CLNK: variants seen among roughly 807,000 people sequenced by gnomAD.
CLNK encodes cytokine dependent hematopoietic cell linker.
A neutral mutation model predicts 68.6 loss-of-function variants in CLNK; 74 were observed. The observed-to-expected ratio is 1.08, with a 90% CI of 0.89 to 1.31. The LOEUF (loss-of-function observed/expected upper bound fraction) is 1.31, where lower values mean the gene tolerates loss of function less well. Ranked by LOEUF, CLNK falls within the 50% of genes most tolerant of loss-of-function variation. CLNK has a pLI of 0.00. For missense variants in CLNK, 553 were observed against 515.3 expected, an observed-to-expected ratio of 1.07 and a Z score of -0.71; for synonymous variants, 198 against 172.2, an observed-to-expected ratio of 1.15 and a Z score of -1.17.
intron 2 of CLNK, among the ~76,000 whole-genome samples, chr4:10,635,093 T>C (rs1723030755): frequency 6.6e-6 from 1 of 152,250 alleles, no homozygotes; most frequent in African/African-American, 2.4e-5. Context: ...TTTTACTAAC[T>C]GGTCAAGTGC....
chr4:10,490,532 C>T lies in CLNK; in HGVS notation c.1222G>A (p.Val408Ile). Reference protein sequence around the residue: ...ILIDGKDKTGVHRKQCHLTQP... With the variant: ...ILIDGKDKTGIHRKQCHLTQP... The stretch of plus-strand genomic sequence containing the variant: ...GTGAGGTGACACTGTTTCCTGTGGA[C>T]CCCAGTTTTATCTTTCCCATCAATT... Residue 408 changes from valine to isoleucine, a missense_variant, in exon 19 of 19, where the codon GTC becomes ATC. By Grantham distance (29) the Val-to-Ile change is conservative (BLOSUM62 3). Transcript: ENST00000226951. 6.2e-7 allele frequency: 1 copy of T among 1,609,966 alleles called. No individual in the cohort carries two copies. The highest frequency in any genetic ancestry group is 1.1e-5 in the South Asian group (1 of 89,898).
intron 8 of CLNK, among the ~76,000 whole-genome samples, chr4:10,545,988 C>T (rs1719214748): frequency 6.6e-6 from 1 of 152,118 alleles, no homozygotes; most frequent in South Asian, 2.1e-4. Context: ...TAGACAGCGC[C>T]CCAGTCCTAT....
chr4:10,517,686 T>C (rs2109043539), intron 15 of CLNK, among the ~76,000 whole-genome samples: 1 of 152,324 alleles, frequency 6.6e-6, no homozygotes, highest in East Asian at 1.9e-4. Flanking sequence ...CATAATAATG[T>C]TCAGTGATTA....
chr4:10,521,308 C>T lies in CLNK; in HGVS notation c.732-477G>A, dbSNP rs116539767. On this transcript the variant is annotated intron_variant, in intron 14 of 18. Transcript: ENST00000226951. ...CTTAGTGGATTATGATAAGAAAAAC[C>T]CCAAAGAAAAAGAGATTATAAAACT... Among the ~76,000 whole-genome samples, 1,155 of 151,964 alleles carry T rather than the reference C, an allele frequency of 7.6e-3. 10 individuals are homozygous for T. The highest frequency in any genetic ancestry group is 0.037 in the Middle Eastern group (11 of 294).
chr4:10,650,612 A>G (rs1723689375), intron 2 of CLNK, among the ~76,000 whole-genome samples: 1 of 152,178 alleles, frequency 6.6e-6, no homozygotes, highest in Non-Finnish European at 1.5e-5. Flanking sequence ...ACAACTGTCA[A>G]TCTGAAATTA....
intron 2 of CLNK, among the ~76,000 whole-genome samples, chr4:10,650,522 C>T (rs1723684770): frequency 6.6e-6 from 1 of 151,882 alleles, no homozygotes; most frequent in Admixed American, 6.6e-5. Context: ...ATAAATATTG[C>T]CTTCAAAAGC....
chr4:10,558,694 C>T (rs1322749158), intron 7 of CLNK, among the ~76,000 whole-genome samples: 1 of 152,140 alleles, frequency 6.6e-6, no homozygotes, highest in Non-Finnish European at 1.5e-5. Context: ...ACCAATCCTG[C>T]CTCTATTGCT....
At chr4:10,493,144 C>T (rs1456029394) in intron 18 of CLNK, among the ~76,000 whole-genome samples, 2 of 152,108 alleles carry the variant, frequency 1.3e-5, no homozygotes, top group Non-Finnish European at 2.9e-5. Flanking sequence ...TAGTGAAATC[C>T]CCTCTCTACC....
intron 1 of CLNK, among the ~76,000 whole-genome samples, chr4:10,675,373 G>C (rs1724828738): frequency 6.6e-6 from 1 of 152,154 alleles, no homozygotes; most frequent in African/African-American, 2.4e-5. Context: ...AAATAGGCTG[G>C]ATTTTCACGT....
chr4:10,575,413 T>A (rs1325105002), intron 4 of CLNK, among the ~76,000 whole-genome samples: 2 of 152,198 alleles, frequency 1.3e-5, no homozygotes, highest in East Asian at 3.9e-4. Context: ...GTGTCTGAAA[T>A]GTCATCTCCC....
chr4:10,643,149 C>T (rs1200816527), intron 2 of CLNK, among the ~76,000 whole-genome samples: 1 of 152,176 alleles, frequency 6.6e-6, no homozygotes, highest in Non-Finnish European at 1.5e-5. Context: ...TAAATTATGT[C>T]ACCTGGAAAA....
chr4:10,494,737 G>C (rs1381605998), intron 18 of CLNK, among the ~76,000 whole-genome samples: 2 of 152,222 alleles, frequency 1.3e-5, no homozygotes, highest in South Asian at 2.1e-4. Flanking sequence ...GGGATTACAG[G>C]CGTGAGCCCC....
At chr4:10,722,385 C>T in the CLNK span, among the ~76,000 whole-genome samples, 17 of 152,162 alleles carry the variant, frequency 1.1e-4, no homozygotes, top group Non-Finnish European at 2.2e-4. Flanking sequence ...CCCCATCTCC[C>T]GCTAGCTCAG....
At chr4:10,677,674 C>A (rs1724928606) in intron 1 of CLNK, among the ~76,000 whole-genome samples, 1 of 151,982 alleles carries the variant, frequency 6.6e-6, no homozygotes, top group African/African-American at 2.4e-5. Context: ...CTCCTGCTGT[C>A]TTGTGGAGAA....
At chr4:10,542,652 G>A (rs1016605273) in intron 8 of CLNK, among the ~76,000 whole-genome samples, 15 of 143,276 alleles carry the variant, frequency 1.0e-4, no homozygotes, top group African/African-American at 4.1e-4. Context: ...GTGTGTGTGT[G>A]TGTATGTGTG....
chr4:10,655,080 G>A (rs961536022), intron 2 of CLNK, among the ~76,000 whole-genome samples: 4 of 135,968 alleles, frequency 2.9e-5, no homozygotes, highest in African/African-American at 1.1e-4. Flanking sequence ...CAGTCTGGGT[G>A]ACAGAACGAG....
intron 2 of CLNK, among the ~76,000 whole-genome samples, chr4:10,658,434 C>T (rs186224761): frequency 3.3e-5 from 5 of 152,296 alleles, no homozygotes; most frequent in Admixed American, 6.5e-5. Context: ...TAGCTTAAAA[C>T]GACGGTTTGT....
chr4:10,594,954 T>A (rs1259032301), intron 3 of CLNK, among the ~76,000 whole-genome samples: 1 of 152,066 alleles, frequency 6.6e-6, no homozygotes, highest in Non-Finnish European at 1.5e-5. Flanking sequence ...ATTAGCTGGA[T>A]GTGGTGGCAC....
At chr4:10,599,721 T>C (rs578042675) in intron 2 of CLNK, among the ~76,000 whole-genome samples, 1 of 151,096 alleles carries the variant, frequency 6.6e-6, no homozygotes, top group African/African-American at 2.4e-5. Flanking sequence ...CCCTCTATCA[T>C]TGACATCATC....
Sources: allele counts gnomAD v4.1 joint callset (sites outside exome capture counted in the v4.1 genomes callset), GRCh38; gene constraint gnomAD v4.1.1; transcripts MANE v1.5; gene names NCBI Gene and HGNC (gene_info 2026-07-23, HGNC 2026-07-21).